Variants in PWP1 observed in about 807,000 individuals in gnomAD.
PWP1 encodes the protein PWP1 homolog, endonuclein.
Under a neutral mutation model 69.9 loss-of-function variants are expected in PWP1, and 47 were observed. That is an observed-to-expected ratio of 0.67 (90% CI 0.53 to 0.86). PWP1 has a LOEUF of 0.86. PWP1 is among the 40% of genes least tolerant of loss of function. The pLI is 0.00. For missense variants in PWP1, 551 were observed against 608.8 expected (o/e 0.91, Z 1.00); for synonymous variants, 222 against 208.2 (o/e 1.07, Z -0.57).
At chr12:107,692,702 A>T in intron 3 of PWP1, 112 bp from the exon 4 acceptor site, 1 of 876,704 alleles carries the variant, frequency 1.1e-6, no homozygotes, top group Non-Finnish European at 1.7e-6. Context: ...GATGATCCAG[A>T]GTTAGTTATA....
intron 5 of PWP1, among the ~76,000 whole-genome samples, chr12:107,695,523 C>T (rs1288950057): frequency 2.6e-5 from 4 of 152,120 alleles, no homozygotes; most frequent in Admixed American, 2.0e-4. Context: ...GGGGTTCTGA[C>T]TAGTGGGTTC....
chr12:107,688,680 C>T lies in PWP1; in HGVS notation c.197C>T (p.Ala66Val), dbSNP rs1305729990. Reference protein sequence around the residue: ...GSPSEDGMQSARTQARPREPL... With the variant: ...GSPSEDGMQSVRTQARPREPL... ...CCTTCAGAAGATGGCATGCAGAGTG[C>T]ACGCACCCAGGCACGCCCAAGAGAG... Residue 66 changes from alanine to valine, a missense_variant, in exon 3 of 15, where the codon GCA becomes GTA. By Grantham distance (64) the Ala-to-Val change is moderately conservative (BLOSUM62 0). Transcript: ENST00000412830. The T allele has an allele frequency of 1.9e-6, 3 of 1,614,186 alleles. No individual in the cohort carries two copies. Among genetic ancestry groups the T allele is most frequent in the Non-Finnish European group, 2.5e-6 (3 of 1,180,020 alleles).
intron 8 of PWP1, among the ~76,000 whole-genome samples, chr12:107,701,599 GT>G (rs767198599): frequency 2.6e-5 from 4 of 151,950 alleles, no homozygotes; most frequent in Admixed American, 6.6e-5. Flanking sequence ...TCCATTTTGA[GT>G]TTTTTTTGTG....
chr12:107,701,330 T>C (rs1889705531), intron 8 of PWP1, among the ~76,000 whole-genome samples: 1 of 152,132 alleles, frequency 6.6e-6, no homozygotes, highest in Non-Finnish European at 1.5e-5. Context: ...GTTGAATTTT[T>C]GGAGTTAAAA....
chr12:107,708,482 A>G (rs1379474671), intron 11 of PWP1, among the ~76,000 whole-genome samples: 1 of 151,852 alleles, frequency 6.6e-6, no homozygotes. Flanking sequence ...TTCATTCCTA[A>G]GTTCCTTATC....
chr12:107,710,829 G>GGAAA (rs531262480), intron 14 of PWP1, among the ~76,000 whole-genome samples: 142 of 152,318 alleles, frequency 9.3e-4, no homozygotes, highest in African/African-American at 3.3e-3. Context: ...AGTCTTTTTA[G>GGAAA]GAAAGAGACA....
In PWP1 at chr12:107,687,705, G is replaced by T. The variant is rs956276234; in HGVS notation, c.73-743G>T. Among the ~76,000 whole-genome samples the T allele has an allele frequency of 2.6e-5, 4 of 152,208 alleles. No homozygotes were observed. The East Asian group carries it at 7.7e-4, about 29-fold the overall frequency. On this transcript the variant is annotated intron_variant, in intron 1 of 14. Transcript: ENST00000412830. ...CGCATGAGCCCAGGAGTTCACAGCT[G>T]CAGGGAGCTGTGACCATGCCACATC...
At chr12:107,688,824 G>C (rs764104270) in intron 3 of PWP1, 22 bp downstream of exon 3, 2 of 1,602,402 alleles carry the variant, frequency 1.2e-6, no homozygotes, top group South Asian at 2.2e-5. Flanking sequence ...CACTTCTGAT[G>C]GTTTGTAATT....
chr12:107,708,933 C>T lies in PWP1; in HGVS notation c.1085C>T (p.Thr362Ile). Residue 362 changes from threonine (T) to isoleucine (I), a missense_variant, in exon 12 of 15, where the codon ACA (threonine) becomes ATA (isoleucine). Thr to Ile is a moderately conservative substitution (Grantham distance 89). Coordinates refer to ENST00000412830, the MANE Select transcript of PWP1 (RefSeq NM_007062.3). ...HFSPCHFLASTDDGFVYNLDA... is the reference protein window; with the variant it reads ...HFSPCHFLASIDDGFVYNLDA... ...ATCTTTTACTCTTTCTAGGCCAGTACAGATGACGGCTTTGTATATAATTTG... is the reference window on the plus strand; with the variant it reads ...ATCTTTTACTCTTTCTAGGCCAGTATAGATGACGGCTTTGTATATAATTTG... The T allele has an allele frequency of 1.2e-6, 2 of 1,613,116 alleles. No individual in the cohort carries two copies. Among genetic ancestry groups the T allele is most frequent in the Non-Finnish European group, 1.7e-6 (2 of 1,179,752 alleles).
In PWP1 at chr12:107,702,929, T is replaced by C; in HGVS notation, c.807-6T>C. Reference sequence around the variant, plus strand: ...GATTACCTGATTGGATTCTTCCCTTTCTCAGAAATGTTTTAGCAAGTGCAT... The same window carrying C: ...GATTACCTGATTGGATTCTTCCCTTCCTCAGAAATGTTTTAGCAAGTGCAT... On this transcript the variant is annotated splice_polypyrimidine_tract_variant and splice_region_variant and intron_variant, in intron 8 of 14. Coordinates refer to ENST00000412830, the MANE Select transcript of PWP1 (RefSeq NM_007062.3). The C allele has an allele frequency of 1.8e-5, 28 of 1,576,726 alleles. No homozygotes were observed. The highest frequency in any genetic ancestry group is 2.4e-5 in the Non-Finnish European group (28 of 1,146,352).
At chr12:107,709,992 A>ATTACCTATTAAT (rs1252158278) in intron 13 of PWP1, among the ~76,000 whole-genome samples, 1 of 152,204 alleles carries the variant, frequency 6.6e-6, no homozygotes, top group Non-Finnish European at 1.5e-5. Flanking sequence ...ACAAATATAT[A>ATTACCTATTAAT]TTACCTATTA....
At chr12:107,692,483 C>T (rs1456517122) in intron 3 of PWP1, among the ~76,000 whole-genome samples, 1 of 152,172 alleles carries the variant, frequency 6.6e-6, no homozygotes, top group African/African-American at 2.4e-5. Flanking sequence ...GCTGCCTCTC[C>T]GTATCACCTT....
chr12:107,701,137 T>A (rs1429517421), intron 8 of PWP1, among the ~76,000 whole-genome samples: 1 of 152,064 alleles, frequency 6.6e-6, no homozygotes, highest in Non-Finnish European at 1.5e-5. Context: ...CTTTGCTTAC[T>A]TTTTTTTGAG....
Position 107,710,408 on chromosome 12 carries a change from GTTCTC to G in PWP1, c.1299_1303del (p.Cys435PhefsTer5), listed in dbSNP as rs1889925428. 3 of 1,613,422 alleles carry G rather than the reference GTTCTC, an allele frequency of 1.9e-6. No homozygotes were observed. Among genetic ancestry groups the G allele is most frequent in the African/African-American group, 1.3e-5 (1 of 74,872 alleles). The stretch of plus-strand genomic sequence containing the variant: ...CATCTTCCTGTTCTCTCTCTAGGGA[GTTCTC>G]TTCTGTTCTTCATGTTGCCCTGATT... On this transcript the variant is annotated frameshift_variant, in exon 14 of 15. Coordinates refer to ENST00000412830, the MANE Select transcript of PWP1 (RefSeq NM_007062.3). LOFTEE classifies it high-confidence loss of function.
chr12:107,701,720 C>T (rs1374210767), intron 8 of PWP1, among the ~76,000 whole-genome samples: 2 of 152,082 alleles, frequency 1.3e-5, no homozygotes, highest in African/African-American at 4.8e-5. Context: ...ACTCTGTCAC[C>T]CAGGCTAGAG....
intron 1 of PWP1, among the ~76,000 whole-genome samples, chr12:107,686,632 G>A (rs1889370672): frequency 6.6e-6 from 1 of 152,154 alleles, no homozygotes; most frequent in Non-Finnish European, 1.5e-5. Context: ...CTTTCTGTAG[G>A]CCAGGCATTG....
At chr12:107,686,382 T>G (rs1451479170) in intron 1 of PWP1, among the ~76,000 whole-genome samples, 1 of 152,208 alleles carries the variant, frequency 6.6e-6, no homozygotes, top group Non-Finnish European at 1.5e-5. Flanking sequence ...TCCACTCTTG[T>G]GCTCCGTGTC....
In PWP1 at chr12:107,712,976, C is replaced by A. The variant is rs1889989039; in HGVS notation, c.*756C>A. ...TCGTAATTAGTTTGATAATATGAGACCCAACCCTAACTTGCCAGAAGAGTA... is the reference window on the plus strand; with the variant it reads ...TCGTAATTAGTTTGATAATATGAGAACCAACCCTAACTTGCCAGAAGAGTA... On this transcript the variant is annotated 3_prime_UTR_variant, in exon 15 of 15. Coordinates refer to ENST00000412830, the MANE Select transcript of PWP1 (RefSeq NM_007062.3). The A allele has an allele frequency of 1.3e-5, 2 of 152,164 alleles. No individual in the cohort carries two copies. The highest frequency in any genetic ancestry group is 2.9e-5 in the Non-Finnish European group (2 of 68,036). 9.4% of individuals were successfully genotyped at this position (152,164 alleles called of 1,614,324 possible).
intron 2 of PWP1, 24 bp from the exon 3 acceptor site, chr12:107,688,591 C>A: frequency 1.9e-6 from 3 of 1,611,374 alleles, no homozygotes; most frequent in Non-Finnish European, 2.5e-6. Context: ...TTGGGTGATT[C>A]TCTTTTTCTT....
Sources: gnomAD v4.1 joint callset for allele counts (sites outside exome capture counted in the v4.1 genomes callset) on GRCh38, gnomAD v4.1.1 for gene constraint, MANE v1.5 for transcripts, NCBI Gene and HGNC (gene_info 2026-07-23, HGNC 2026-07-21) for gene names.